The following PCDH15 variants were observed in gnomAD, a reference collection of about 807,000 sequenced individuals.
The protein encoded by PCDH15 is protocadherin-15.
PCDH15 carries 129 observed loss-of-function variants against 178.5 expected under a neutral mutation model. The observed-to-expected ratio is 0.72, with a 90% CI of 0.63 to 0.84. PCDH15 has a LOEUF of 0.84. Ranked by LOEUF, PCDH15 falls within the 40% of genes least tolerant of loss-of-function variation. PCDH15 has a pLI of 0.00. For synonymous variants in PCDH15, 800 were observed against 732.0 expected (o/e 1.09, Z -1.50); for missense variants, 2,230 against 2,099.9 (o/e 1.06, Z -1.21).
At chr10:54,811,654 A>G (rs1952865380) in intron 3 of PCDH15, among the ~76,000 whole-genome samples, 1 of 152,070 alleles carries the variant, frequency 6.6e-6, no homozygotes, top group Non-Finnish European at 1.5e-5. Context: ...GTATTTTAGT[A>G]GAGACGGGGT....
chr10:55,020,125 T>C lies in PCDH15; in HGVS notation c.-79-122625A>G, dbSNP rs192670172. ...TATATAATATATATGTATAATTATATATATATATATAATTTCTTCTCCTTC... is the reference window on the plus strand; with the variant it reads ...TATATAATATATATGTATAATTATACATATATATATAATTTCTTCTCCTTC... On this transcript the variant is annotated intron_variant, in intron 2 of 5. Transcript: ENST00000458638. Among the ~76,000 whole-genome samples, 452 of 148,552 alleles carry C rather than the reference T, an allele frequency of 3.0e-3. 2 individuals are homozygous for C. Among genetic ancestry groups the C allele is most frequent in the African/African-American group, 0.01 (413 of 40,920 alleles).
In PCDH15 at chr10:54,103,164, G is replaced by C. The variant is rs531093903; in HGVS notation, c.1918-13101C>G. Among the ~76,000 whole-genome samples, 305 of 152,294 alleles carry C rather than the reference G, an allele frequency of 2.0e-3. 1 individual carries two copies. Among genetic ancestry groups the C allele is most frequent in the African/African-American group, 7.0e-3 (291 of 41,550 alleles). On this transcript the variant is annotated intron_variant, in intron 15 of 37. Transcript: ENST00000644397. ...ATTGACTGAGGGGTCATGATTCTCTGTTTTTATAATTCAAATTAGTCTTTT... is the reference window on the plus strand; with the variant it reads ...ATTGACTGAGGGGTCATGATTCTCTCTTTTTATAATTCAAATTAGTCTTTT...
chr10:55,595,474 A>T (rs748030687), intron 2 of PCDH15, among the ~76,000 whole-genome samples: 9 of 152,108 alleles, frequency 5.9e-5, no homozygotes, highest in Non-Finnish European at 1.3e-4. Context: ...TAAGCTCCTG[A>T]TACAAAGCCA....
chr10:55,211,374 A>G (rs560576484), intron 1 of PCDH15, among the ~76,000 whole-genome samples: 2 of 152,160 alleles, frequency 1.3e-5, no homozygotes, highest in Non-Finnish European at 2.9e-5. Flanking sequence ...TGCTTTTTCT[A>G]ATAAGAGCTT....
chr10:54,167,076 T>C (rs1166141101), intron 13 of PCDH15, among the ~76,000 whole-genome samples: 1 of 152,188 alleles, frequency 6.6e-6, no homozygotes, highest in Non-Finnish European at 1.5e-5. Context: ...TAAACAGCCA[T>C]GTTGCTCACA....
chr10:54,289,080 C>T lies in PCDH15; in HGVS notation c.876+28191G>A, dbSNP rs369003271. ...CCTCCTCAAGTGGGTCCCTGACCCC[C>T]GTTTAGCCTAACTGGGAGACACCTC... On this transcript the variant is annotated intron_variant, in intron 8 of 37. Coordinates refer to ENST00000644397, the MANE Select transcript of PCDH15 (RefSeq NM_001384140.1). Among the ~76,000 whole-genome samples, 656 of 152,298 alleles carry T rather than the reference C, an allele frequency of 4.3e-3. 9 individuals are homozygous for T. Among genetic ancestry groups the T allele is most frequent in the African/African-American group, 0.013 (537 of 41,560 alleles).
intron 1 of PCDH15, among the ~76,000 whole-genome samples, chr10:54,747,898 A>C (rs11004537): frequency 0.035 from 5,134 of 146,922 alleles, 240 homozygotes; most frequent in African/African-American, 0.1. Context: ...CTCCGCCTCC[A>C]GGGTTCACGC....
At chr10:54,136,799 C>T (rs2042945180) in intron 14 of PCDH15, among the ~76,000 whole-genome samples, 2 of 152,172 alleles carry the variant, frequency 1.3e-5, no homozygotes, top group African/African-American at 2.4e-5. Flanking sequence ...CTCCTTGATC[C>T]GTCCTTACTC....
intron 3 of PCDH15, among the ~76,000 whole-genome samples, chr10:54,841,007 T>C (rs752778319): frequency 6.6e-6 from 1 of 151,848 alleles, no homozygotes; most frequent in Non-Finnish European, 1.5e-5. Flanking sequence ...ATTTCCATAC[T>C]GGATAGATCA....
At chr10:55,297,819 G>A (rs1843171465) in intron 1 of PCDH15, among the ~76,000 whole-genome samples, 2 of 152,036 alleles carry the variant, frequency 1.3e-5, no homozygotes, top group African/African-American at 4.8e-5. Flanking sequence ...CTAAATAGTT[G>A]CACAGATAAA....
intron 3 of PCDH15, among the ~76,000 whole-genome samples, chr10:54,835,352 T>C (rs940758414): frequency 2.0e-5 from 3 of 152,206 alleles, no homozygotes; most frequent in African/African-American, 7.2e-5. Context: ...CCTGTTGGTT[T>C]TGCCAAGTTC....
chr10:55,400,749 A>C (rs906996025), intron 2 of PCDH15, among the ~76,000 whole-genome samples: 2 of 152,076 alleles, frequency 1.3e-5, no homozygotes, highest in East Asian at 3.9e-4. Context: ...AACTTTGCAG[A>C]AGCCTGTCTT....
intron 13 of PCDH15, among the ~76,000 whole-genome samples, chr10:54,174,836 T>C (rs1203022114): frequency 6.6e-6 from 1 of 151,626 alleles, no homozygotes; most frequent in African/African-American, 2.4e-5. Flanking sequence ...GCTAGTTTCT[T>C]AGATTGGGGA....
chr10:53,892,118 G>A (rs919690198), intron 26 of PCDH15, among the ~76,000 whole-genome samples: 21 of 146,714 alleles, frequency 1.4e-4, no homozygotes, highest in African/African-American at 5.1e-4. Flanking sequence ...TCAGACGCCT[G>A]GATTCAAGCA....
chr10:54,195,999 C>T (rs2049592424), intron 10 of PCDH15, 110 bp from the exon 11 acceptor site: 1 of 938,082 alleles, frequency 1.1e-6, no homozygotes, highest in Non-Finnish European at 1.6e-6. Flanking sequence ...AATATCATCA[C>T]ATAAGGAAAA....
chr10:54,020,544 G>C (rs2092886818), intron 19 of PCDH15, 128 bp from the exon 20 acceptor site: 2 of 941,472 alleles, frequency 2.1e-6, no homozygotes, highest in Admixed American at 4.2e-5. Context: ...CACGTTTTTT[G>C]TTTTTGTTTT....
chr10:54,007,853 A>G (rs1422069168), intron 20 of PCDH15, among the ~76,000 whole-genome samples: 1 of 152,150 alleles, frequency 6.6e-6, no homozygotes, highest in Non-Finnish European at 1.5e-5. Context: ...GGGTCCAAGT[A>G]TCTCCTAGCG....
In PCDH15 at chr10:54,852,326, C is replaced by G. The variant is rs570822763; in HGVS notation, c.-29+45124G>C. Among the ~76,000 whole-genome samples the G allele has an allele frequency of 4.6e-5, 7 of 152,254 alleles. No individual in the cohort carries two copies. In the East Asian group the frequency reaches 1.4e-3, roughly 29 times the overall value. On this transcript the variant is annotated intron_variant, in intron 3 of 5. Transcript: ENST00000458638. ...CAATAGCTCATCTCCACCCTGGATA[C>G]TGTCCCTTTCAGTAATATATAACCT...
intron 20 of PCDH15, among the ~76,000 whole-genome samples, chr10:54,004,840 G>A (rs1349757531): frequency 7.2e-6 from 1 of 138,628 alleles, no homozygotes; most frequent in African/African-American, 2.8e-5. Flanking sequence ...GACCTAGATA[G>A]CCAAAGCTAT....
Sources: gnomAD v4.1 joint callset for allele counts (sites outside exome capture counted in the v4.1 genomes callset) on GRCh38, gnomAD v4.1.1 for gene constraint, MANE v1.5 for transcripts, NCBI Gene and HGNC (gene_info 2026-07-23, HGNC 2026-07-21) for gene names.